The following HDAC9 variants were observed in gnomAD, a reference collection of about 807,000 sequenced individuals.
The protein encoded by HDAC9 is histone deacetylase 9.
A neutral mutation model predicts 139.4 loss-of-function variants in HDAC9; 41 were observed. That is an observed-to-expected ratio of 0.29 (90% CI 0.23 to 0.38). The LOEUF is 0.38. Among genes scored for constraint, HDAC9 ranks in the 10% least tolerant of loss-of-function variants. The pLI is 1.00. For missense variants in HDAC9, 1,147 were observed against 1,297.0 expected (o/e 0.88, Z 1.78); for synonymous variants, 517 against 476.2 (o/e 1.09, Z -1.12).
intron 1 of HDAC9, among the ~76,000 whole-genome samples, chr7:18,393,618 G>A (rs777953052): frequency 1.3e-5 from 2 of 152,100 alleles, no homozygotes; most frequent in African/African-American, 4.8e-5. Flanking sequence ...AAGTGCAGGA[G>A]GAAAGTGAGC....
rs545032046 is a variant in HDAC9 at position 18,664,168 on chromosome 7, G to A, written c.1468-2045G>A. ...TATTAAAGAAAAGAAGAGCTGATTA[G>A]TATTCAGAATTGGGACAAAAGTCCT... On this transcript the variant is annotated intron_variant, in intron 11 of 25. Transcript: ENST00000686413. Among the ~76,000 whole-genome samples, 63 of 152,224 alleles carry A rather than the reference G, an allele frequency of 4.1e-4. No individual in the cohort carries two copies. The South Asian group carries it at 0.013, about 32-fold the overall frequency.
intron 12 of HDAC9, chr7:18,667,480 A>G (rs1795156591): frequency 9.1e-6 from 9 of 984,516 alleles, no homozygotes; most frequent in East Asian, 1.1e-4. Context: ...AGGTTTAACA[A>G]AAAAATTTAC....
chr7:18,750,301 T>G (rs979374349), intron 14 of HDAC9, among the ~76,000 whole-genome samples: 5 of 152,192 alleles, frequency 3.3e-5, no homozygotes, highest in African/African-American at 1.2e-4. Flanking sequence ...GATAATATAT[T>G]CTATGTTACA....
intron 1 of HDAC9, among the ~76,000 whole-genome samples, chr7:18,372,462 T>G (rs1784666073): frequency 6.6e-6 from 1 of 152,172 alleles, no homozygotes; most frequent in African/African-American, 2.4e-5. Flanking sequence ...AGGACTGTAT[T>G]TTCCCTTAAG....
chr7:18,557,632 T>G (rs1298225421), intron 2 of HDAC9, among the ~76,000 whole-genome samples: 1 of 149,840 alleles, frequency 6.7e-6, no homozygotes, highest in Non-Finnish European at 1.5e-5. Flanking sequence ...CTTGTATGGT[T>G]AAAATGTCTT....
chr7:18,262,958 G>A (rs73066378), intron 2 of HDAC9, among the ~76,000 whole-genome samples: 58,355 of 151,712 alleles, frequency 0.38, 12,595 homozygotes, highest in Admixed American at 0.51. Flanking sequence ...CAAAAAGACA[G>A]CATATAGAAA....
chr7:18,537,141 T>A (rs1321958178), intron 2 of HDAC9, among the ~76,000 whole-genome samples: 2 of 152,144 alleles, frequency 1.3e-5, no homozygotes, highest in African/African-American at 4.8e-5. Flanking sequence ...GAATAAAAAA[T>A]TGTCTCCATG....
intron 1 of HDAC9, among the ~76,000 whole-genome samples, chr7:18,148,194 G>A (rs73062425): frequency 0.012 from 1,846 of 152,290 alleles, 19 homozygotes; most frequent in Middle Eastern, 0.051. Context: ...TTATCTTCGA[G>A]TTCTATAGAT....
chr7:18,976,182 A>G (rs950466071), intron 25 of HDAC9, among the ~76,000 whole-genome samples: 8 of 152,248 alleles, frequency 5.3e-5, no homozygotes, highest in African/African-American at 1.9e-4. Context: ...TCACAGAGAA[A>G]TAGAGGGGAT....
rs776376913 is a variant in HDAC9, at chr7:18,496,355, T to C, written c.22+31T>C. ...ATCCTCTTTCATAACTGAGACGTTT[T>C]AGGTTTGAAAGGGGGCTGGCTTGGG... On this transcript the variant is annotated intron_variant, in intron 2 of 25. Coordinates refer to ENST00000686413, the MANE Select transcript of HDAC9 (RefSeq NM_178425.4). 9.4e-6 allele frequency: 15 copies of C among 1,599,386 alleles called. No individual in the cohort carries two copies. In the Middle Eastern group the frequency reaches 5.0e-4, roughly 53 times the overall value.
intron 17 of HDAC9, among the ~76,000 whole-genome samples, chr7:18,799,140 A>G (rs1793078878): frequency 6.6e-6 from 1 of 152,126 alleles, no homozygotes; most frequent in African/African-American, 2.4e-5. Flanking sequence ...TTAAGCATTA[A>G]AAGAAATATA....
At chr7:18,931,254 C>T (rs4721729) in intron 22 of HDAC9, among the ~76,000 whole-genome samples, 24,772 of 151,940 alleles carry the variant, frequency 0.16, 2,517 homozygotes, top group East Asian at 0.35. Flanking sequence ...CAAAATTTTG[C>T]GTTACTTCTT....
At chr7:18,319,673 A>G (rs1799894848) in intron 1 of HDAC9, among the ~76,000 whole-genome samples, 1 of 152,242 alleles carries the variant, frequency 6.6e-6, no homozygotes, top group Non-Finnish European at 1.5e-5. Flanking sequence ...AAAAGGCTAA[A>G]TTTAAGAGGC....
intron 13 of HDAC9, among the ~76,000 whole-genome samples, chr7:18,730,606 G>A (rs986831879): frequency 1.3e-5 from 2 of 152,146 alleles, no homozygotes; most frequent in African/African-American, 4.8e-5. Context: ...ACCCATTTCT[G>A]TTCATGTCTT....
chr7:18,273,279 G>T (rs1343328746), intron 2 of HDAC9, among the ~76,000 whole-genome samples: 5 of 151,038 alleles, frequency 3.3e-5, no homozygotes, highest in South Asian at 2.1e-4. Context: ...TTTTTGCCCA[G>T]GCTGGTCCCG....
At chr7:18,261,615 A>G (rs1795684392) in intron 2 of HDAC9, among the ~76,000 whole-genome samples, 2 of 152,226 alleles carry the variant, frequency 1.3e-5, no homozygotes, top group Non-Finnish European at 2.9e-5. Context: ...GATGCAATAT[A>G]AAGTACCCAC....
intron 2 of HDAC9, among the ~76,000 whole-genome samples, chr7:18,167,892 G>T (rs1311748280): frequency 2.0e-5 from 3 of 152,196 alleles, no homozygotes; most frequent in Non-Finnish European, 2.9e-5. Flanking sequence ...TGCAGATACG[G>T]TATTGCTTAC....
intron 1 of HDAC9, among the ~76,000 whole-genome samples, chr7:18,407,032 T>C (rs1788073951): frequency 6.6e-6 from 1 of 152,130 alleles, no homozygotes; most frequent in Non-Finnish European, 1.5e-5. Context: ...TAAAGGTGTA[T>C]CAATATGTAT....
At chr7:18,686,035 G>C (rs2129093839) in intron 12 of HDAC9, among the ~76,000 whole-genome samples, 1 of 152,042 alleles carries the variant, frequency 6.6e-6, no homozygotes, top group East Asian at 1.9e-4. Context: ...GAAGACTTCA[G>C]TGTGGTAAAG....
Sources: allele counts gnomAD v4.1 joint callset (sites outside exome capture counted in the v4.1 genomes callset), GRCh38; gene constraint gnomAD v4.1.1; transcripts MANE v1.5; gene names NCBI Gene and HGNC (gene_info 2026-07-23, HGNC 2026-07-21).